Variants in ZFAND3 observed in about 807,000 individuals in gnomAD.
The protein encoded by ZFAND3 is zinc finger AN1-type containing 3, also known as AN1-type zinc finger protein 3.
Under a neutral mutation model 29.6 loss-of-function variants are expected in ZFAND3, and 10 were observed. That is an observed-to-expected ratio of 0.34 (90% confidence interval 0.21 to 0.57). The LOEUF is 0.57. ZFAND3 is among the 20% of genes least tolerant of loss of function. The probability of loss-of-function intolerance (pLI) is 0.86; values close to 1 mark genes in which losing one functional copy is unlikely to be tolerated. For missense variants in ZFAND3, 230 were observed against 304.5 expected, an observed-to-expected ratio of 0.76 and a Z score of 1.82; for synonymous variants, 128 against 112.6, an observed-to-expected ratio of 1.14 and a Z score of -0.87.
At chr6:38,066,319 A>G (rs1262666417) in intron 3 of ZFAND3, among the ~76,000 whole-genome samples, 1 of 152,214 alleles carries the variant, frequency 6.6e-6, no homozygotes, top group African/African-American at 2.4e-5. Flanking sequence ...ATCCATCTAC[A>G]TCTTGCAAAT....
chr6:38,057,975 A>AG (rs1434054608), intron 2 of ZFAND3, among the ~76,000 whole-genome samples: 8 of 152,172 alleles, frequency 5.3e-5, no homozygotes, highest in African/African-American at 1.9e-4. Flanking sequence ...AAGGCATAGA[A>AG]GGAGTATGGG....
intron 2 of ZFAND3, among the ~76,000 whole-genome samples, chr6:37,994,288 C>T (rs928283548): frequency 6.6e-6 from 1 of 152,130 alleles, no homozygotes; most frequent in African/African-American, 2.4e-5. Context: ...ACTGACAAAA[C>T]ACTCTTTTGT....
intron 1 of ZFAND3, among the ~76,000 whole-genome samples, chr6:37,847,939 G>A (rs1398912795): frequency 6.6e-6 from 1 of 152,224 alleles, no homozygotes; most frequent in African/African-American, 2.4e-5. Context: ...GAATTGAGTA[G>A]TTGTGACAGA....
chr6:38,046,741 G>T (rs1357165353), intron 2 of ZFAND3, among the ~76,000 whole-genome samples: 1 of 152,102 alleles, frequency 6.6e-6, no homozygotes, highest in Admixed American at 6.5e-5. Context: ...TTTGAGTCAG[G>T]GTTAGATTAT....
chr6:38,006,374 T>A (rs1298825036), intron 2 of ZFAND3, among the ~76,000 whole-genome samples: 2 of 152,340 alleles, frequency 1.3e-5, no homozygotes, highest in South Asian at 4.1e-4. Context: ...TCTAATTGTT[T>A]CTTTTTTATA....
intron 2 of ZFAND3, among the ~76,000 whole-genome samples, chr6:38,022,195 T>C (rs759800213): frequency 3.8e-4 from 58 of 152,218 alleles, no homozygotes; most frequent in Non-Finnish European, 5.6e-4. Flanking sequence ...AGACTACAAG[T>C]TATTTGAATG....
chr6:37,947,796 C>G (rs1385240590), intron 2 of ZFAND3, among the ~76,000 whole-genome samples: 1 of 152,052 alleles, frequency 6.6e-6, no homozygotes, highest in East Asian at 1.9e-4. Flanking sequence ...CTCTCCTATT[C>G]CCCCCAACAT....
At chr6:37,951,167 T>C (rs1278692682) in intron 2 of ZFAND3, among the ~76,000 whole-genome samples, 1 of 152,246 alleles carries the variant, frequency 6.6e-6, no homozygotes, top group African/African-American at 2.4e-5. Flanking sequence ...TTGATTTGGC[T>C]CTCAGCTTGG....
At chr6:37,916,308 C>A (rs1181280691) in intron 1 of ZFAND3, among the ~76,000 whole-genome samples, 2 of 152,104 alleles carry the variant, frequency 1.3e-5, no homozygotes, top group Admixed American at 6.5e-5. Context: ...TTTCCATAAA[C>A]CCTCAACTTG....
intron 4 of ZFAND3, among the ~76,000 whole-genome samples, chr6:38,101,062 G>A (rs1046894467): frequency 6.6e-6 from 1 of 152,184 alleles, no homozygotes; most frequent in African/African-American, 2.4e-5. Flanking sequence ...TTAGTATGGT[G>A]GATCACAATG....
At chr6:38,119,397 C>G (rs1765485463) in intron 5 of ZFAND3, among the ~76,000 whole-genome samples, 1 of 152,188 alleles carries the variant, frequency 6.6e-6, no homozygotes. Context: ...TCAAACAGAA[C>G]ACTTCTTCCC....
At chr6:37,901,764 T>C (rs1182441004) in intron 1 of ZFAND3, among the ~76,000 whole-genome samples, 1 of 152,242 alleles carries the variant, frequency 6.6e-6, no homozygotes, top group Non-Finnish European at 1.5e-5. Context: ...GGTTTGATAC[T>C]CACTTCCATG....
chr6:37,983,821 A>C (rs1762621040), intron 2 of ZFAND3, among the ~76,000 whole-genome samples: 1 of 152,250 alleles, frequency 6.6e-6, no homozygotes, highest in South Asian at 2.1e-4. Flanking sequence ...TATACCATAT[A>C]GCCTAAGTGT....
chr6:38,092,390 A>G (rs762293535), intron 4 of ZFAND3, among the ~76,000 whole-genome samples: 19 of 152,250 alleles, frequency 1.2e-4, no homozygotes, highest in Non-Finnish European at 2.2e-4. Context: ...GTACAGAAAC[A>G]AGTACAACTA....
At chr6:37,824,050 A>G (rs1303850685) in intron 1 of ZFAND3, among the ~76,000 whole-genome samples, 2 of 152,236 alleles carry the variant, frequency 1.3e-5, no homozygotes, top group Non-Finnish European at 2.9e-5. Flanking sequence ...TGCTGGGATT[A>G]CCGGCGTGAG....
At chr6:38,013,397 T>A (rs1763195237) in intron 2 of ZFAND3, among the ~76,000 whole-genome samples, 1 of 152,206 alleles carries the variant, frequency 6.6e-6, no homozygotes, top group South Asian at 2.1e-4. Flanking sequence ...TCAAAACAAA[T>A]ACATTCCATG....
intron 3 of ZFAND3, among the ~76,000 whole-genome samples, chr6:38,080,554 G>C (rs1016041035): frequency 6.6e-6 from 1 of 152,042 alleles, no homozygotes; most frequent in African/African-American, 2.4e-5. Context: ...CTTATTGGCA[G>C]TTTTACTATT....
intron 4 of ZFAND3, among the ~76,000 whole-genome samples, chr6:38,110,261 A>G (rs1366142490): frequency 1.3e-5 from 2 of 152,172 alleles, no homozygotes; most frequent in Non-Finnish European, 2.9e-5. Context: ...GTCATTGGGA[A>G]CATTAAGAAA....
In ZFAND3 at chr6:37,937,426, G is replaced by A. The variant is rs369816334; in HGVS notation, c.112+7427G>A. On this transcript the variant is annotated intron_variant, in intron 2 of 5. Transcript: ENST00000287218. Reference sequence around the variant, plus strand: ...AATCCTAACACTTTGGAAGGCTGAGGTGGGCGGATCATGAGGTCAGGAGAT... The same window carrying A: ...AATCCTAACACTTTGGAAGGCTGAGATGGGCGGATCATGAGGTCAGGAGAT... Among the ~76,000 whole-genome samples the A allele has an allele frequency of 3.9e-5, 6 of 152,192 alleles. No individual in the cohort carries two copies. The South Asian group carries it at 8.3e-4, about 21-fold the overall frequency.
Sources: gnomAD v4.1 joint callset for allele counts (sites outside exome capture counted in the v4.1 genomes callset) on GRCh38, gnomAD v4.1.1 for gene constraint, MANE v1.5 for transcripts, NCBI Gene and HGNC (gene_info 2026-07-23, HGNC 2026-07-21) for gene names.